Variants in RPTOR observed in about 807,000 individuals in gnomAD.
RPTOR encodes the protein regulatory associated protein of MTOR complex 1.
A neutral mutation model predicts 169.9 loss-of-function variants in RPTOR; 21 were observed. The ratio of observed to expected loss-of-function variants is 0.12; its 90% CI spans 0.09 to 0.18. The LOEUF (loss-of-function observed/expected upper bound fraction) is 0.18. Among genes scored for constraint, RPTOR ranks in the 10% least tolerant of loss-of-function variants. The pLI, the probability that RPTOR is intolerant of heterozygous loss-of-function variation, is 1.00. For missense variants in RPTOR, 1,133 were observed against 1,855.9 expected (o/e 0.61, Z 7.16); for synonymous variants, 732 against 753.2 (o/e 0.97, Z 0.46).
intron 4 of RPTOR, among the ~76,000 whole-genome samples, chr17:80,719,296 G>C (rs2066265532): frequency 6.6e-6 from 1 of 152,158 alleles, no homozygotes; most frequent in African/African-American, 2.4e-5. Flanking sequence ...CGGGGGAACA[G>C]AGATGGAATT....
chr17:80,739,100 C>T (rs2066459539), intron 5 of RPTOR, among the ~76,000 whole-genome samples: 1 of 94,076 alleles, frequency 1.1e-5, no homozygotes, highest in Admixed American at 9.6e-5. Context: ...GTGATCCCAG[C>T]AGGACCCATC....
chr17:80,685,706 T>G (rs2065941894), intron 3 of RPTOR, among the ~76,000 whole-genome samples: 3 of 144,998 alleles, frequency 2.1e-5, no homozygotes, highest in South Asian at 4.6e-4. Flanking sequence ...ATGGAATGAT[T>G]TATATTTCCA....
intron 10 of RPTOR, among the ~76,000 whole-genome samples, chr17:80,846,269 T>C (rs1287943536): frequency 1.3e-5 from 2 of 152,272 alleles, no homozygotes; most frequent in Non-Finnish European, 2.9e-5. Flanking sequence ...TTCTCCTGCC[T>C]GCCTCTGGTC....
intron 6 of RPTOR, among the ~76,000 whole-genome samples, chr17:80,756,268 C>T (rs979877836): frequency 1.3e-5 from 2 of 152,188 alleles, no homozygotes; most frequent in Non-Finnish European, 2.9e-5. Context: ...TGGGATGGCA[C>T]AGCAAGAAGG....
chr17:80,629,280 A>G (rs568713726), intron 2 of RPTOR, among the ~76,000 whole-genome samples: 29 of 151,340 alleles, frequency 1.9e-4, no homozygotes, highest in South Asian at 4.2e-4. Context: ...GCTGTTGGAC[A>G]TTGTACCGCG....
chr17:80,763,211 A>C (rs2066752704), intron 6 of RPTOR, among the ~76,000 whole-genome samples: 1 of 152,130 alleles, frequency 6.6e-6, no homozygotes. Context: ...GTGCCACTGC[A>C]CTCCAGCCTG....
chr17:80,623,555 A>G (rs931914702), intron 1 of RPTOR, among the ~76,000 whole-genome samples: 3 of 151,726 alleles, frequency 2.0e-5, no homozygotes, highest in African/African-American at 7.3e-5. Context: ...ATTTTTTTTG[A>G]GATGGAGTCT....
chr17:80,599,541 G>GCCT (rs2065170269), intron 1 of RPTOR, among the ~76,000 whole-genome samples: 1 of 152,224 alleles, frequency 6.6e-6, no homozygotes, highest in Admixed American at 6.5e-5. Flanking sequence ...AAGCCTCCGG[G>GCCT]CCTCCAGGAG....
At chr17:80,705,027 G>A (rs146841798) in intron 3 of RPTOR, among the ~76,000 whole-genome samples, 7 of 152,378 alleles carry the variant, frequency 4.6e-5, no homozygotes, top group African/African-American at 1.7e-4. Context: ...TATGGGAGCA[G>A]GTGACACGCT....
At chr17:80,798,633 T>C (rs540118058) in intron 7 of RPTOR, among the ~76,000 whole-genome samples, 3 of 152,032 alleles carry the variant, frequency 2.0e-5, no homozygotes, top group Admixed American at 1.3e-4. Context: ...AGGGGTGTGG[T>C]CTTGGAAGCG....
chr17:80,644,875 T>G (rs966092501), intron 3 of RPTOR, among the ~76,000 whole-genome samples: 16 of 152,300 alleles, frequency 1.1e-4, no homozygotes, highest in African/African-American at 3.6e-4. Flanking sequence ...TGTCTTAGGG[T>G]GTACCTTTGT....
At chr17:80,756,050 G>A (rs1037087398) in intron 6 of RPTOR, among the ~76,000 whole-genome samples, 1 of 152,264 alleles carries the variant, frequency 6.6e-6, no homozygotes, top group Non-Finnish European at 1.5e-5. Context: ...TGAGAACAAT[G>A]CTACAGTTTT....
intron 7 of RPTOR, among the ~76,000 whole-genome samples, chr17:80,821,499 TC>T (rs1029201302): frequency 2.4e-4 from 36 of 152,266 alleles, no homozygotes; most frequent in African/African-American, 7.9e-4. Flanking sequence ...GCTGCAAAAG[TC>T]ATGGTTCTGT....
intron 3 of RPTOR, among the ~76,000 whole-genome samples, chr17:80,660,477 A>G (rs948767662): frequency 6.6e-6 from 1 of 152,148 alleles, no homozygotes; most frequent in African/African-American, 2.4e-5. Context: ...ATGAAAAAGT[A>G]GCATCTGTTC....
intron 3 of RPTOR, among the ~76,000 whole-genome samples, chr17:80,683,618 G>T (rs967595182): frequency 2.0e-5 from 3 of 151,792 alleles, no homozygotes; most frequent in Admixed American, 6.6e-5. Flanking sequence ...TCTTCCCTTC[G>T]CCCCCATTCA....
intron 3 of RPTOR, among the ~76,000 whole-genome samples, chr17:80,657,118 T>C (rs1211149392): frequency 6.6e-6 from 1 of 152,254 alleles, no homozygotes; most frequent in African/African-American, 2.4e-5. Flanking sequence ...TTCATTCAGC[T>C]GATAGAAATT....
intron 13 of RPTOR, among the ~76,000 whole-genome samples, chr17:80,868,425 A>C (rs955608280): frequency 6.6e-6 from 1 of 152,196 alleles, no homozygotes. Context: ...AACTGCACCC[A>C]CAGTCATATA....
At chr17:80,698,918 G>T (rs1429224122) in intron 3 of RPTOR, among the ~76,000 whole-genome samples, 4 of 152,194 alleles carry the variant, frequency 2.6e-5, no homozygotes, top group African/African-American at 9.6e-5. Context: ...GCGCCAGCTT[G>T]TGTCTGATTG....
At chr17:80,769,021 C>T (rs1457977692) in intron 6 of RPTOR, among the ~76,000 whole-genome samples, 4 of 152,138 alleles carry the variant, frequency 2.6e-5, no homozygotes, top group Non-Finnish European at 5.9e-5. Flanking sequence ...GTGCTGAGAT[C>T]GAATCGATAA....
Sources: allele counts gnomAD v4.1 joint callset (sites outside exome capture counted in the v4.1 genomes callset), GRCh38; gene constraint gnomAD v4.1.1; transcripts MANE v1.5; gene names NCBI Gene and HGNC (gene_info 2026-07-23, HGNC 2026-07-21).